Variants in ACOXL observed in about 807,000 individuals in gnomAD.
The protein encoded by ACOXL is acyl-CoA oxidase like, also known as acyl-coenzyme A oxidase-like protein.
Under a neutral mutation model 71.9 loss-of-function variants are expected in ACOXL, and 70 were observed. The observed-to-expected ratio is 0.97, with a 90% CI of 0.80 to 1.19. The LOEUF is 1.19. ACOXL is among the 50% of genes most tolerant of loss of function. ACOXL has a pLI of 0.00. For missense variants in ACOXL, 703 were observed against 736.3 expected (o/e 0.95, Z 0.52); for synonymous variants, 253 against 281.6 (o/e 0.90, Z 1.02).
chr2:111,041,180 G>A (rs987242633), intron 15 of ACOXL, among the ~76,000 whole-genome samples: 19 of 152,120 alleles, frequency 1.2e-4, no homozygotes, highest in Non-Finnish European at 2.8e-4. Flanking sequence ...ATGACCTGGG[G>A]CCACACATGC....
intron 9 of ACOXL, among the ~76,000 whole-genome samples, chr2:110,811,736 C>CACACACAA (rs1687352924): frequency 8.1e-6 from 1 of 123,334 alleles, no homozygotes; most frequent in Non-Finnish European, 1.7e-5. Context: ...TGCATACACA[C>CACACACAA]ACACACACAC....
intron 4 of ACOXL, 32 bp downstream of exon 4, chr2:110,793,768 T>C: frequency 6.4e-7 from 1 of 1,556,354 alleles, no homozygotes; most frequent in Admixed American, 1.7e-5. Context: ...TGGTCTTCTA[T>C]GGAGAGCCTT....
chr2:110,733,697 A>G (rs903257892), intron 1 of ACOXL, among the ~76,000 whole-genome samples: 1 of 152,174 alleles, frequency 6.6e-6, no homozygotes, highest in Non-Finnish European at 1.5e-5. Context: ...GGGTTCCTGC[A>G]CTGAGGTTAC....
chr2:110,921,308 CCAATCTTTATTT>C (rs774281812), intron 11 of ACOXL, among the ~76,000 whole-genome samples: 3 of 151,144 alleles, frequency 2.0e-5, no homozygotes, highest in Non-Finnish European at 4.4e-5. Flanking sequence ...GCTATCTGCT[CCAATCTTTATTT>C]CTTTCCTTTT....
intron 17 of ACOXL, chr2:111,114,096 T>C (rs138198656): frequency 8.8e-4 from 134 of 152,820 alleles, no homozygotes; most frequent in Non-Finnish European, 1.6e-3. Context: ...CTGATACTTA[T>C]TCTGTGGGCA....
chr2:110,955,336 G>A (rs1429813055), intron 12 of ACOXL, among the ~76,000 whole-genome samples: 7 of 151,622 alleles, frequency 4.6e-5, no homozygotes, highest in Admixed American at 1.3e-4. Context: ...ATAAGTAGGT[G>A]GATGGTGCAG....
chr2:110,878,687 C>G (rs764360260), intron 10 of ACOXL, among the ~76,000 whole-genome samples: 1 of 152,098 alleles, frequency 6.6e-6, no homozygotes, highest in Non-Finnish European at 1.5e-5. Context: ...ATCCCTTGAA[C>G]CTGGAAGGCA....
intron 16 of ACOXL, among the ~76,000 whole-genome samples, chr2:111,049,805 G>A (rs879336140): frequency 5.0e-5 from 2 of 39,682 alleles, no homozygotes; most frequent in African/African-American, 2.0e-4. Context: ...CCAACCCCCC[G>A]CCCCAAGGAA....
intron 9 of ACOXL, among the ~76,000 whole-genome samples, chr2:110,819,372 G>A (rs560615106): frequency 6.6e-6 from 1 of 152,308 alleles, no homozygotes; most frequent in East Asian, 1.9e-4. Context: ...CGCAGAGGAG[G>A]AACAGGTTTA....
chr2:110,741,900 T>C (rs1453205514), intron 1 of ACOXL, among the ~76,000 whole-genome samples: 2 of 152,226 alleles, frequency 1.3e-5, no homozygotes, highest in Non-Finnish European at 2.9e-5. Flanking sequence ...TCCAAGTGTC[T>C]GCCTCCAGCG....
intron 12 of ACOXL, among the ~76,000 whole-genome samples, chr2:110,948,261 A>G (rs1222436562): frequency 6.6e-6 from 1 of 152,166 alleles, no homozygotes; most frequent in Non-Finnish European, 1.5e-5. Context: ...CTGCTTGGAG[A>G]TGTAATCCAT....
intron 1 of ACOXL, among the ~76,000 whole-genome samples, chr2:110,758,379 C>G (rs1559224650): frequency 6.6e-6 from 1 of 151,988 alleles, no homozygotes; most frequent in Admixed American, 6.6e-5. Flanking sequence ...ATCTGGGCTC[C>G]TTTTTGGTTC....
chr2:110,866,740 C>G (rs1694632877), intron 10 of ACOXL, among the ~76,000 whole-genome samples: 1 of 152,128 alleles, frequency 6.6e-6, no homozygotes, highest in African/African-American at 2.4e-5. Flanking sequence ...CACTTGCTCA[C>G]CCGTTCACGA....
chr2:110,890,693 C>G, intron 10 of ACOXL, among the ~76,000 whole-genome samples: 1 of 152,132 alleles, frequency 6.6e-6, no homozygotes, highest in Non-Finnish European at 1.5e-5. Flanking sequence ...GCCAGTATCA[C>G]CTTTTCTCAA....
intron 14 of ACOXL, among the ~76,000 whole-genome samples, chr2:111,024,738 G>A (rs1377013642): frequency 6.6e-6 from 1 of 151,968 alleles, no homozygotes; most frequent in Non-Finnish European, 1.5e-5. Context: ...TTGTTATCAG[G>A]AAAACAGTAG....
intron 11 of ACOXL, among the ~76,000 whole-genome samples, chr2:110,913,326 G>A (rs924385230): frequency 2.6e-5 from 4 of 152,232 alleles, no homozygotes; most frequent in African/African-American, 9.6e-5. Context: ...GACATTTTTT[G>A]TAATAATGAA....
chr2:111,082,692 C>T (rs2067989218), intron 16 of ACOXL, among the ~76,000 whole-genome samples: 1 of 151,962 alleles, frequency 6.6e-6, no homozygotes, highest in African/African-American at 2.4e-5. Context: ...TGGTATATAC[C>T]CAAAGGATTA....
chr2:110,901,739 C>T (rs2059243046), intron 10 of ACOXL, among the ~76,000 whole-genome samples: 1 of 151,940 alleles, frequency 6.6e-6, no homozygotes, highest in Non-Finnish European at 1.5e-5. Context: ...GAAAGTTGCC[C>T]ATTGGGTGGT....
At chr2:110,798,315 G>A (rs917856286) in intron 5 of ACOXL, among the ~76,000 whole-genome samples, 33 of 150,794 alleles carry the variant, frequency 2.2e-4, no homozygotes, top group Admixed American at 4.0e-4. Context: ...GGAGTGCAGT[G>A]GCGCAATCAC....
Sources: allele counts gnomAD v4.1 joint callset (sites outside exome capture counted in the v4.1 genomes callset), GRCh38; gene constraint gnomAD v4.1.1; transcripts MANE v1.5; gene names NCBI Gene and HGNC (gene_info 2026-07-23, HGNC 2026-07-21).